Variants in ATM observed in about 807,000 individuals in gnomAD.
The protein encoded by ATM is serine-protein kinase ATM.
A neutral mutation model predicts 387.0 loss-of-function variants in ATM; 308 were observed. The ratio of observed to expected loss-of-function variants is 0.80; its 90% confidence interval spans 0.73 to 0.87. ATM has a LOEUF of 0.87. Among genes scored for constraint, ATM ranks in the 40% least tolerant of loss-of-function variants. The pLI is 0.00. For synonymous variants in ATM, 1,156 were observed against 1,187.3 expected (o/e 0.97, Z 0.54); for missense variants, 3,312 against 3,560.9 (o/e 0.93, Z 1.78).
At chr11:108,347,158 G>T in intron 58 of ATM, 121 bp from the exon 59 acceptor site, 1 of 811,092 alleles carries the variant, frequency 1.2e-6, no homozygotes, top group Middle Eastern at 2.6e-4. Flanking sequence ...ATTTAAGTAG[G>T]CTAAAAATCC....
Position 108,313,787 on chromosome 11 carries a change from G to A in ATM, c.6006+1289G>A, listed in dbSNP as rs4988078. ...ATTATGCCAATATAAATGAATTTGTGTGTAGAAAATATTTCACAGAGCAAG... is the reference window on the plus strand; with the variant it reads ...ATTATGCCAATATAAATGAATTTGTATGTAGAAAATATTTCACAGAGCAAG... On this transcript the variant is annotated intron_variant, in intron 40 of 62. Coordinates refer to ENST00000675843, the MANE Select transcript of ATM (RefSeq NM_000051.4). Among the ~76,000 whole-genome samples, 96 of 152,284 alleles carry A rather than the reference G, an allele frequency of 6.3e-4. 1 individual carries two copies. In the East Asian group the frequency reaches 0.018, roughly 28 times the overall value.
chr11:108,266,475 T>C (rs1410597221), intron 16 of ATM, among the ~76,000 whole-genome samples: 1 of 117,636 alleles, frequency 8.5e-6, no homozygotes, highest in Non-Finnish European at 1.6e-5. Flanking sequence ...TCACACTCTG[T>C]GGACTGTTGT....
Position 108,254,014 on chromosome 11 carries a change from A to G in ATM, c.2099A>G (p.Gln700Arg). 6.2e-7 allele frequency: 1 copy of G among 1,613,912 alleles called. No homozygotes were observed. Reference sequence around the variant, plus strand: ...CGCTGTCTTCTGGGATTATCAGAACAGCTTCTGAATAATTACTCATCTGAG... The same window carrying G: ...CGCTGTCTTCTGGGATTATCAGAACGGCTTCTGAATAATTACTCATCTGAG... ...LDRCLLGLSE[Q>R]LLNNYSSEIT... The change falls in exon 13 of 63, where the codon CAG becomes CGG. Residue 700 changes from glutamine (Q) to arginine (R), a missense_variant. Physicochemically the swap from Gln to Arg is conservative, Grantham distance 43. Coordinates refer to ENST00000675843, the MANE Select transcript of ATM (RefSeq NM_000051.4).
In ATM at chr11:108,327,685, G is replaced by A. The variant is rs1305313302; in HGVS notation, c.7016G>A (p.Arg2339Lys). 1.9e-6 allele frequency: 3 copies of A among 1,613,886 alleles called. No individual in the cohort carries two copies. Among genetic ancestry groups the A allele is most frequent in the African/African-American group, 2.7e-5 (2 of 74,896 alleles). The change falls in exon 48 of 63, where the codon AGG becomes AAG. Residue 2339 changes from arginine to lysine, a missense_variant. Transcript: ENST00000675843. ...SLKLTYTECL[R>K]VCGNWLAETC... ...AAACTTACATACACAGAATGTCTGAGGGTTTGTGGCAACTGGTTAGCAGAA... is the reference window on the plus strand; with the variant it reads ...AAACTTACATACACAGAATGTCTGAAGGTTTGTGGCAACTGGTTAGCAGAA...
chr11:108,295,209 T>C, intron 32 of ATM, 150 bp downstream of exon 32: 1 of 943,840 alleles, frequency 1.1e-6, no homozygotes, highest in Non-Finnish European at 1.6e-6. Context: ...ACTGTAAAAC[T>C]GGTCCTAACT....
chr11:108,359,762 C>T (rs1439247345), intron 61 of ATM, among the ~76,000 whole-genome samples: 2 of 152,000 alleles, frequency 1.3e-5, no homozygotes, highest in African/African-American at 2.4e-5. Context: ...AACAAAGACA[C>T]AACGTACCAG....
At chr11:108,352,274 A>G (rs2089302023) in intron 59 of ATM, among the ~76,000 whole-genome samples, 1 of 152,258 alleles carries the variant, frequency 6.6e-6, no homozygotes, top group African/African-American at 2.4e-5. Flanking sequence ...CATGCTTGAA[A>G]CAAATTAAAA....
intron 13 of ATM, among the ~76,000 whole-genome samples, chr11:108,255,646 G>A (rs2080429280): frequency 6.6e-6 from 1 of 151,922 alleles, no homozygotes; most frequent in Non-Finnish European, 1.5e-5. Flanking sequence ...GGTTGGTCTC[G>A]AACTCCTGAC....
At chr11:108,224,252 A>G (rs776523374) in intron 1 of ATM, 4 of 152,226 alleles carry the variant, frequency 2.6e-5, no homozygotes, top group Admixed American at 6.5e-5. Flanking sequence ...TTGAACTAAT[A>G]CAATCTGACT....
rs876658502 is a variant in ATM at position 108,272,537 on chromosome 11, T to TA, written c.3085dup (p.Thr1029AsnfsTer19). The TA allele has an allele frequency of 1.9e-6, 3 of 1,611,674 alleles. No individual in the cohort carries two copies. The highest frequency in any genetic ancestry group is 2.5e-6 in the Non-Finnish European group (3 of 1,177,980). On this transcript the variant is annotated frameshift_variant, in exon 21 of 63. Transcript: ENST00000675843. LOFTEE classifies it high-confidence loss of function. ...GAAAACTTACTTGATTTCAGGCATC[T>TA]AACAAAGGAGAGGAAATATATATTC...
chr11:108,271,598 C>T (rs1175634534), intron 20 of ATM, among the ~76,000 whole-genome samples, 192 bp downstream of exon 20: 1 of 152,194 alleles, frequency 6.6e-6, no homozygotes, highest in Non-Finnish European at 1.5e-5. Flanking sequence ...TAAGGCTTGG[C>T]TTTCTAAACC....
chr11:108,287,957 G>C (rs2082581683), intron 27 of ATM, among the ~76,000 whole-genome samples: 1 of 151,974 alleles, frequency 6.6e-6, no homozygotes, highest in African/African-American at 2.4e-5. Context: ...CCTTTTCTTA[G>C]TCTTTCTGTA....
At chr11:108,325,865 GAGACAGAC>G (rs990484566) in intron 46 of ATM, among the ~76,000 whole-genome samples, 185 bp from the exon 47 acceptor site, 94 of 152,212 alleles carry the variant, frequency 6.2e-4, no homozygotes, top group African/African-American at 2.1e-3. Flanking sequence ...CATATAGAGA[GAGACAGAC>G]AGACAGACAG....
intron 16 of ATM, among the ~76,000 whole-genome samples, chr11:108,262,275 A>G (rs554408158): frequency 1.3e-5 from 2 of 152,312 alleles, no homozygotes; most frequent in East Asian, 1.9e-4. Flanking sequence ...TCAGACTAAC[A>G]GCGGATCTCT....
chr11:108,256,385 A>C, intron 14 of ATM, 45 bp downstream of exon 14: 2 of 1,570,260 alleles, frequency 1.3e-6, no homozygotes, highest in Non-Finnish European at 1.7e-6. Flanking sequence ...ATTTGAATGA[A>C]ATGTATTCCT....
chr11:108,359,105 A>G (rs1177803683), intron 61 of ATM, among the ~76,000 whole-genome samples: 17 of 149,878 alleles, frequency 1.1e-4, no homozygotes, highest in East Asian at 3.9e-4. Context: ...AGGAAGATCT[A>G]CCAAGCAAAT....
chr11:108,262,554 A>G (rs1249910322), intron 16 of ATM, among the ~76,000 whole-genome samples: 1 of 152,246 alleles, frequency 6.6e-6, no homozygotes, highest in Non-Finnish European at 1.5e-5. Flanking sequence ...GACCATTGAG[A>G]CTAGGAAGAA....
chr11:108,316,994 C>T (rs996440013), intron 42 of ATM, among the ~76,000 whole-genome samples: 3 of 151,574 alleles, frequency 2.0e-5, no homozygotes, highest in Non-Finnish European at 2.9e-5. Context: ...AGTGCATTAG[C>T]GTGATCATAG....
At chr11:108,295,121 A>G (rs2083052633) in intron 32 of ATM, 62 bp downstream of exon 32, 2 of 1,599,358 alleles carry the variant, frequency 1.3e-6, no homozygotes, top group Admixed American at 1.7e-5. Context: ...ATATTTTGCA[A>G]AGTCTTGCTC....
Sources: allele counts gnomAD v4.1 joint callset (sites outside exome capture counted in the v4.1 genomes callset), GRCh38; gene constraint gnomAD v4.1.1; transcripts MANE v1.5; gene names NCBI Gene and HGNC (gene_info 2026-07-23, HGNC 2026-07-21).